Variants in CDH4 observed in about 807,000 individuals in gnomAD.
CDH4 encodes the protein cadherin-4.
Under a neutral mutation model 86.0 loss-of-function variants are expected in CDH4, and 33 were observed. That is an observed-to-expected ratio of 0.38 (90% CI 0.29 to 0.51). The LOEUF (loss-of-function observed/expected upper bound fraction) is 0.51. Ranked by LOEUF, CDH4 falls within the 20% of genes least tolerant of loss-of-function variation. CDH4 has a pLI of 0.86. For missense variants in CDH4, 1,114 were observed against 1,307.4 expected, an observed-to-expected ratio of 0.85 and a Z score of 2.28; for synonymous variants, 555 against 549.4, an observed-to-expected ratio of 1.01 and a Z score of -0.14.
chr20:61,739,688 G>C (rs955205084), intron 2 of CDH4, among the ~76,000 whole-genome samples: 4 of 152,334 alleles, frequency 2.6e-5, no homozygotes, highest in African/African-American at 9.6e-5. Flanking sequence ...GTGACAGCGG[G>C]CTTGGAGCCC....
At chr20:61,711,404 C>T (rs372134444) in intron 2 of CDH4, among the ~76,000 whole-genome samples, 12 of 152,224 alleles carry the variant, frequency 7.9e-5, no homozygotes, top group African/African-American at 2.2e-4. Flanking sequence ...GGCTTGCAGG[C>T]TAGCCAAGTA....
At chr20:61,384,044 G>A (rs1244640203) in intron 2 of CDH4, among the ~76,000 whole-genome samples, 5 of 151,984 alleles carry the variant, frequency 3.3e-5, no homozygotes, top group African/African-American at 9.7e-5. Context: ...GGAGAAAGAT[G>A]AAGGCTGAGA....
chr20:61,762,571 C>T (rs1251095227), intron 3 of CDH4, among the ~76,000 whole-genome samples: 5 of 152,210 alleles, frequency 3.3e-5, no homozygotes, highest in Non-Finnish European at 7.3e-5. Flanking sequence ...GGTGGAATGG[C>T]TCCCACTGCA....
intron 2 of CDH4, among the ~76,000 whole-genome samples, chr20:61,564,943 T>A (rs1409534267): frequency 1.3e-5 from 2 of 152,160 alleles, no homozygotes; most frequent in South Asian, 2.1e-4. Flanking sequence ...AATGTGAACA[T>A]GTTACCATTT....
rs1265215263 is a variant in CDH4 at position 61,811,058 on chromosome 20, GCATCCTCAGCAGCCGCGCCA to G, written c.577-33595_577-33576del. ...AACTAATGGCGCGGTGCTGACTGCCGCATCCTCAGCAGCCGCGCCACATCCTCAGCAGCCCCGCCACCGCC... is the reference window on the plus strand; with the variant it reads ...AACTAATGGCGCGGTGCTGACTGCCGCATCCTCAGCAGCCCCGCCACCGCC... On this transcript the variant is annotated intron_variant, in intron 4 of 15. Coordinates refer to ENST00000614565, the MANE Select transcript of CDH4 (RefSeq NM_001794.5). The surrounding 1 kb of genome is among the most constrained non-coding windows in gnomAD (Gnocchi z 4.4). Among the ~76,000 whole-genome samples the G allele has an allele frequency of 6.6e-6, 1 of 152,162 alleles. No individual in the cohort carries two copies. The highest frequency in any genetic ancestry group is 6.5e-5 in the Admixed American group (1 of 15,274).
intron 13 of CDH4, 46 bp from the exon 14 acceptor site, chr20:61,932,939 C>T (rs376138942): frequency 2.0e-5 from 32 of 1,596,888 alleles, no homozygotes; most frequent in Middle Eastern, 1.7e-4. Context: ...GGCACACATG[C>T]GCACACCCGC....
chr20:61,650,939 A>G (rs1464159669), intron 2 of CDH4, among the ~76,000 whole-genome samples: 1 of 152,248 alleles, frequency 6.6e-6, no homozygotes, highest in Non-Finnish European at 1.5e-5. Flanking sequence ...ATTTCCACCC[A>G]GGGCTAACAT....
At chr20:61,787,432 G>A (rs1978942692) in intron 4 of CDH4, among the ~76,000 whole-genome samples, 1 of 152,184 alleles carries the variant, frequency 6.6e-6, no homozygotes, top group Admixed American at 6.5e-5. Context: ...CAGCTCTCAT[G>A]AGAATTCACT....
At chr20:61,715,563 G>T (rs929143658) in intron 2 of CDH4, among the ~76,000 whole-genome samples, 1 of 152,180 alleles carries the variant, frequency 6.6e-6, no homozygotes, top group Non-Finnish European at 1.5e-5. Context: ...CGAGGGCAGA[G>T]CCCTGATTAA....
chr20:61,447,104 T>C (rs2427104), intron 2 of CDH4, among the ~76,000 whole-genome samples: 117,626 of 152,136 alleles, frequency 0.77, 46,470 homozygotes, highest in African/African-American at 0.94. Context: ...ATACTCATTA[T>C]AAATACTCTC....
At chr20:61,443,836 G>A (rs1023326218) in intron 2 of CDH4, among the ~76,000 whole-genome samples, 4 of 151,454 alleles carry the variant, frequency 2.6e-5, no homozygotes, top group African/African-American at 9.7e-5. Context: ...GTCTGTCTCT[G>A]TGTGTGTGAT....
At chr20:61,622,289 T>C (rs940838680) in intron 2 of CDH4, among the ~76,000 whole-genome samples, 2 of 152,240 alleles carry the variant, frequency 1.3e-5, no homozygotes, top group Non-Finnish European at 2.9e-5. Context: ...GCCGCTGAGT[T>C]TTATGCACGG....
intron 2 of CDH4, among the ~76,000 whole-genome samples, chr20:61,372,801 TAGCA>T (rs1450777616): frequency 6.6e-6 from 1 of 152,216 alleles, no homozygotes; most frequent in Non-Finnish European, 1.5e-5. Context: ...CGACTCCTAG[TAGCA>T]GGACACACTT....
chr20:61,745,810 G>C (rs555066927), intron 3 of CDH4, among the ~76,000 whole-genome samples: 1 of 152,286 alleles, frequency 6.6e-6, no homozygotes, highest in South Asian at 2.1e-4. Flanking sequence ...TGTGAGCCGA[G>C]AGCAGAGCCC....
intron 2 of CDH4, chr20:61,570,573 T>A (rs549094804): frequency 1.2e-5 from 8 of 668,630 alleles, no homozygotes; most frequent in African/African-American, 1.8e-5. Context: ...TTTTGTGGCT[T>A]CCTTTACCCC....
intron 4 of CDH4, among the ~76,000 whole-genome samples, chr20:61,835,208 GT>G (rs1981810857): frequency 2.0e-5 from 3 of 152,020 alleles, no homozygotes; most frequent in Admixed American, 1.3e-4. Context: ...GTGCCACCAT[GT>G]CCAACTAAGT....
intron 2 of CDH4, among the ~76,000 whole-genome samples, chr20:61,299,327 G>C (rs1433225854): frequency 2.6e-5 from 4 of 152,198 alleles, no homozygotes; most frequent in Non-Finnish European, 5.9e-5. Context: ...ATGGGTCCCA[G>C]AGGGAGCACG....
intron 2 of CDH4, among the ~76,000 whole-genome samples, chr20:61,281,851 C>G (rs543205428): frequency 6.6e-6 from 1 of 152,164 alleles, no homozygotes; most frequent in African/African-American, 2.4e-5. Context: ...ATGTTAGACA[C>G]GAAAGAAAAC....
chr20:61,784,786 G>A (rs920198973), intron 4 of CDH4, among the ~76,000 whole-genome samples: 2 of 152,176 alleles, frequency 1.3e-5, no homozygotes, highest in African/African-American at 4.8e-5. Flanking sequence ...CAGTTCTCCA[G>A]GCCCTCAGAT....
Sources: gnomAD v4.1 joint callset for allele counts (sites outside exome capture counted in the v4.1 genomes callset) on GRCh38, gnomAD v4.1.1 for gene constraint, Gnocchi (gnomAD v3.1) non-coding constraint, MANE v1.5 for transcripts, NCBI Gene and HGNC (gene_info 2026-07-23, HGNC 2026-07-21) for gene names.